GABBR1: variants seen among roughly 807,000 people sequenced by gnomAD.
GABBR1 encodes the protein GABA-B receptor, R1 subunit.
GABBR1 carries 35 observed loss-of-function variants against 117.7 expected under a neutral mutation model. The observed-to-expected ratio is 0.30, with a 90% CI of 0.23 to 0.39. GABBR1 has a LOEUF of 0.39. Among genes scored for constraint, GABBR1 ranks in the 10% least tolerant of loss-of-function variants. The pLI, the probability that GABBR1 is intolerant of heterozygous loss-of-function variation, is 1.00. For synonymous variants in GABBR1, 442 were observed against 486.6 expected (o/e 0.91, Z 1.21); for missense variants, 709 against 1,241.8 (o/e 0.57, Z 6.45).
Position 29,611,273 on chromosome 6 carries a change from C to A in GABBR1, c.1631-272G>T, listed in dbSNP as rs1322996855. The A allele has an allele frequency of 2.6e-6, 1 of 383,406 alleles. No individual in the cohort carries two copies. The highest frequency in any genetic ancestry group is 4.7e-6 in the Non-Finnish European group (1 of 214,508). The allele number at this position is 383,406 out of a possible 1,614,324, so 23.8% of individuals were successfully genotyped here. A position where few individuals can be genotyped will look rare whatever the true frequency, so the allele number is the denominator to read the frequency against. On this transcript the variant is annotated intron_variant, in intron 13 of 22. Coordinates refer to ENST00000377034, the MANE Select transcript of GABBR1 (RefSeq NM_001470.4). The surrounding 1 kb of genome is among the most constrained non-coding windows in gnomAD (Gnocchi z 4.6). ...GGAGGCTCCACAACATGTCTGCCAC[C>A]TATTCCATTCCTCACACCTCTCTCG...
In GABBR1 at chr6:29,629,068, T is replaced by TA. The variant is rs754364798; in HGVS notation, c.496+18dup. ...GGGGAGGGCATTGCAGTGCGCGCGGTAAGGGTTTCTCATCTCACCTGAGTG... is the reference window on the plus strand; with the variant it reads ...GGGGAGGGCATTGCAGTGCGCGCGGTAAAGGGTTTCTCATCTCACCTGAGTG... On this transcript the variant is annotated intron_variant, in intron 5 of 22. Coordinates refer to ENST00000377034, the MANE Select transcript of GABBR1 (RefSeq NM_001470.4). The TA allele has an allele frequency of 2.0e-5, 33 of 1,612,192 alleles. No homozygotes were observed. The East Asian group carries it at 7.4e-4, about 36-fold the overall frequency.
At chr6:29,618,032 G>C (rs563937128) in intron 11 of GABBR1, among the ~76,000 whole-genome samples, 76 of 152,252 alleles carry the variant, frequency 5.0e-4, no homozygotes, top group Non-Finnish European at 7.9e-4. Context: ...ATGAGTAGCA[G>C]AGCTAATCCA....
intron 11 of GABBR1, among the ~76,000 whole-genome samples, chr6:29,615,609 TAAAAA>T (rs28751302): frequency 1.6e-5 from 2 of 121,418 alleles, no homozygotes; most frequent in East Asian, 2.4e-4. Context: ...ACTCTGCCTT[TAAAAA>T]AAAAAAAAAA....
In GABBR1 at chr6:29,632,775, C is replaced by T. The variant is rs62392941; in HGVS notation, c.-1+75G>A. Reference sequence around the variant, plus strand: ...CCCCGCTTCCCCCAGCTGGGCCCTGCGCCCACTGCCCCCTCCCCCACCACG... The same window carrying T: ...CCCCGCTTCCCCCAGCTGGGCCCTGTGCCCACTGCCCCCTCCCCCACCACG... On this transcript the variant is annotated intron_variant, in intron 1 of 22. Coordinates refer to ENST00000377034, the MANE Select transcript of GABBR1 (RefSeq NM_001470.4). This position sits in a 1 kb window ranked among gnomAD's most constrained non-coding sequence, Gnocchi z 5.8. The T allele has an allele frequency of 0.059, 55,160 of 937,644 alleles. 1,924 individuals carry two copies. Among genetic ancestry groups the T allele is most frequent in the South Asian group, 0.11 (6,413 of 56,798 alleles). 58.1% of individuals were successfully genotyped at this position (937,644 alleles called of 1,614,324 possible). A position where few individuals can be genotyped will look rare whatever the true frequency, so the allele number is the denominator to read the frequency against.
At position 29,621,352 on chromosome 6, in the gene GABBR1, C is replaced by T; in HGVS notation, c.1132-60G>A. 1 of 1,356,710 alleles carries T rather than the reference C, an allele frequency of 7.4e-7. No homozygotes were observed. Among genetic ancestry groups the T allele is most frequent in the Non-Finnish European group, 1.0e-6 (1 of 965,176 alleles). 84.0% of individuals were successfully genotyped at this position (1,356,710 alleles called of 1,614,324 possible). A position where few individuals can be genotyped will look rare whatever the true frequency, so the allele number is the denominator to read the frequency against. On this transcript the variant is annotated intron_variant, in intron 10 of 22. Coordinates refer to ENST00000377034, the MANE Select transcript of GABBR1 (RefSeq NM_001470.4). The surrounding 1 kb of genome is among the most constrained non-coding windows in gnomAD (Gnocchi z 5.0). ...GCTCATTTGTTTGTTTTTGTCTTATCTCACTTGATACTATTTAGCCTCTTG... is the reference window on the plus strand; with the variant it reads ...GCTCATTTGTTTGTTTTTGTCTTATTTCACTTGATACTATTTAGCCTCTTG...
intron 4 of GABBR1, chr6:29,629,979 A>G (rs1764788982): frequency 6.4e-6 from 1 of 155,230 alleles, no homozygotes; most frequent in African/African-American, 2.4e-5. Context: ...TTACCCTAAT[A>G]TGTTTCCACC....
rs1762204693 is a variant in GABBR1, at chr6:29,608,635, T to A, written c.1958A>T (p.His653Leu). ...AVFPLGLDGY[H>L]IGRNQFPFVC... ...GAAAGGAAACTGGTTCCTCCCAATG[T>A]GGTAACCATCGAGCCCCAGGGGGAA... Residue 653 changes from histidine (H) to leucine (L), a missense_variant, in exon 16 of 23, where the codon CAC becomes CTC. By Grantham distance (99) the His-to-Leu change is moderately conservative. Transcript: ENST00000377034. The A allele has an allele frequency of 1.2e-6, 2 of 1,612,994 alleles. No homozygotes were observed. Among genetic ancestry groups the A allele is most frequent in the Non-Finnish European group, 1.7e-6 (2 of 1,179,994 alleles).
chr6:29,616,561 T>C (rs1233381), intron 11 of GABBR1, among the ~76,000 whole-genome samples: 21,051 of 148,898 alleles, frequency 0.14, 1,530 homozygotes, highest in East Asian at 0.22. Flanking sequence ...GGCACGCACC[T>C]GTAATCCCAG....
At chr6:29,629,247 C>T (rs1764711940) in intron 4 of GABBR1, 140 bp from the exon 5 acceptor site, 6 of 932,300 alleles carry the variant, frequency 6.4e-6, no homozygotes, top group Non-Finnish European at 1.0e-5. Flanking sequence ...GGGGAGGGTG[C>T]CTGGGGATAA....
In GABBR1 at chr6:29,627,454, C is replaced by A. The variant is rs1562120816; in HGVS notation, c.657+32G>T. The A allele has an allele frequency of 3.7e-6, 5 of 1,350,386 alleles. No homozygotes were observed. Among genetic ancestry groups the A allele is most frequent in the East Asian group, 2.5e-5 (1 of 39,992 alleles). The allele number at this position is 1,350,386 out of a possible 1,614,324, so 83.7% of individuals were successfully genotyped here. A position where few individuals can be genotyped will look rare whatever the true frequency, so the allele number is the denominator to read the frequency against. ...GCTGGCCCCCTGCCCCGCAAGCCCC[C>A]ACCTCCCACCCACCCCCATGTCCAG... On this transcript the variant is annotated intron_variant, in intron 6 of 22. Transcript: ENST00000377034. The surrounding 1 kb of genome is among the most constrained non-coding windows in gnomAD (Gnocchi z 4.4).
At chr6:29,608,531 T>G in intron 16 of GABBR1, 70 bp downstream of exon 16, 1 of 1,508,144 alleles carries the variant, frequency 6.6e-7, no homozygotes, top group Admixed American at 1.8e-5. Context: ...GAATCATAAA[T>G]CATGGAAGGT....
chr6:29,612,488 G>T (rs28359967), intron 13 of GABBR1, 63 bp downstream of exon 13: 137,586 of 1,419,464 alleles, frequency 0.097, 7,319 homozygotes, highest in Middle Eastern at 0.17. Context: ...CTTCCCCAGG[G>T]GGCATCCCAG....
rs916385324 is a variant in GABBR1 at position 29,607,860 on chromosome 6, C to G, written c.1993-642G>C. On this transcript the variant is annotated intron_variant, in intron 16 of 22. Coordinates refer to ENST00000377034, the MANE Select transcript of GABBR1 (RefSeq NM_001470.4). This position sits in a 1 kb window ranked among gnomAD's most constrained non-coding sequence, Gnocchi z 5.0. The stretch of plus-strand genomic sequence containing the variant: ...TGCAGATCCCTACTCTGGAACCTCT[C>G]CTATTGCACTACAGCTAATTGTCTG... Among the ~76,000 whole-genome samples the G allele has an allele frequency of 6.6e-6, 1 of 152,222 alleles. No individual in the cohort carries two copies. Among genetic ancestry groups the G allele is most frequent in the African/African-American group, 2.4e-5 (1 of 41,452 alleles).
Position 29,604,384 on chromosome 6 carries a change from G to C in GABBR1, c.2712+110C>G. ...TTGTCTCCTAGGACCCTCCCTCCAT[G>C]AGCCAAGAACATCTGACCCTGTATC... On this transcript the variant is annotated intron_variant, in intron 22 of 22. Coordinates refer to ENST00000377034, the MANE Select transcript of GABBR1 (RefSeq NM_001470.4). This position sits in a 1 kb window ranked among gnomAD's most constrained non-coding sequence, Gnocchi z 5.3. 1 of 1,383,222 alleles carries C rather than the reference G, an allele frequency of 7.2e-7. No homozygotes were observed. The highest frequency in any genetic ancestry group is 1.2e-5 in the South Asian group (1 of 81,194). The allele number at this position is 1,383,222 out of a possible 1,614,324, so 85.7% of individuals were successfully genotyped here.
intron 4 of GABBR1, among the ~76,000 whole-genome samples, chr6:29,629,746 T>A (rs1313720873): frequency 6.8e-6 from 1 of 146,606 alleles, no homozygotes; most frequent in East Asian, 2.0e-4. Flanking sequence ...GATGACTGCA[T>A]CCCAGGAGAG....
rs1000681872 is a variant in GABBR1 at position 29,605,943 on chromosome 6, C to T, written c.2312-247G>A. ...GCAATGGTGGCAAGCTGCTGTCAGT[C>T]AGGCAAGGGCTTGTTGAATATCTAG... On this transcript the variant is annotated intron_variant, in intron 19 of 22. Coordinates refer to ENST00000377034, the MANE Select transcript of GABBR1 (RefSeq NM_001470.4). The surrounding 1 kb of genome is among the most constrained non-coding windows in gnomAD (Gnocchi z 4.2). 5.2e-6 allele frequency: 3 copies of T among 578,206 alleles called. No homozygotes were observed. In the African/African-American group the frequency reaches 5.6e-5, roughly 11 times the overall value. The allele number at this position is 578,206 out of a possible 1,614,324, so 35.8% of individuals were successfully genotyped here.
At chr6:29,625,936 C>T (rs1764224726) in intron 6 of GABBR1, among the ~76,000 whole-genome samples, 1 of 152,144 alleles carries the variant, frequency 6.6e-6, no homozygotes, top group South Asian at 2.1e-4. Flanking sequence ...ACCCTAATAC[C>T]TAATTATTTT....
chr6:29,612,691 TC>T, intron 12 of GABBR1, 77 bp from the exon 13 acceptor site: 1 of 1,267,676 alleles, frequency 7.9e-7, no homozygotes, highest in South Asian at 1.2e-5. Flanking sequence ...ACTCTTTAAA[TC>T]CTTCTGTTTT....
At position 29,620,250 on chromosome 6, in the gene GABBR1, A is replaced by G. The variant is rs537858102; in HGVS notation, c.1323+851T>C. Among the ~76,000 whole-genome samples the G allele has an allele frequency of 2.0e-4, 30 of 152,284 alleles. No individual in the cohort carries two copies. The highest frequency in any genetic ancestry group is 1.5e-3 in the Admixed American group (23 of 15,254). ...TGCTGTTAGAATCCCTGAAATCATG[A>G]ATCTAAGTACCACACAAATGCCACT... On this transcript the variant is annotated intron_variant, in intron 11 of 22. Transcript: ENST00000377034. The surrounding 1 kb of genome is among the most constrained non-coding windows in gnomAD (Gnocchi z 4.5).
Sources: gnomAD v4.1 joint callset for allele counts (sites outside exome capture counted in the v4.1 genomes callset) on GRCh38, gnomAD v4.1.1 for gene constraint, Gnocchi (gnomAD v3.1) non-coding constraint, MANE v1.5 for transcripts, NCBI Gene and HGNC (gene_info 2026-07-23, HGNC 2026-07-21) for gene names.